Variants in DNER observed in about 807,000 individuals in gnomAD.
The protein encoded by DNER is delta and Notch-like epidermal growth factor-related receptor.
Under a neutral mutation model 78.2 loss-of-function variants are expected in DNER, and 33 were observed. The observed-to-expected ratio is 0.42, with a 90% CI of 0.32 to 0.56. The LOEUF (loss-of-function observed/expected upper bound fraction) is 0.56, where lower values mean the gene tolerates loss of function less well. Among genes scored for constraint, DNER ranks in the 20% least tolerant of loss-of-function variants. The pLI is 0.11. For synonymous variants in DNER, 417 were observed against 384.8 expected, an observed-to-expected ratio of 1.08 and a Z score of -0.98; for missense variants, 918 against 975.3, an observed-to-expected ratio of 0.94 and a Z score of 0.78.
In DNER at chr2:229,366,892, C is replaced by T. The variant is rs748951182; in HGVS notation, c.2083G>A (p.Ala695Thr). ...GCCAACCTGGCATGCCGGATGGATGCAATGGCATTGCTGAACTCGCTGTCG... is the reference window on the plus strand; with the variant it reads ...GCCAACCTGGCATGCCGGATGGATGTAATGGCATTGCTGAACTCGCTGTCG... ...SIDSEFSNAI[A>T]SIRHARFGKK... Residue 695 changes from alanine to threonine, a missense_variant, in exon 12 of 13, where the codon GCA becomes ACA. Physicochemically the swap from Ala to Thr is moderately conservative, Grantham distance 58. Coordinates refer to ENST00000341772, the MANE Select transcript of DNER (RefSeq NM_139072.4). 3 of 1,614,178 alleles carry T rather than the reference C, an allele frequency of 1.9e-6. No homozygotes were observed. The highest frequency in any genetic ancestry group is 1.1e-5 in the South Asian group (1 of 91,076).
chr2:229,642,191 A>C (rs1172743700), intron 1 of DNER, among the ~76,000 whole-genome samples: 1 of 152,176 alleles, frequency 6.6e-6, no homozygotes, highest in Non-Finnish European at 1.5e-5. Context: ...GGTTTCATTC[A>C]AAGGGGGAAA....
intron 11 of DNER, among the ~76,000 whole-genome samples, chr2:229,371,798 TGTTATTTTTAAAAAGAGCAA>T (rs779696356): frequency 9.2e-5 from 14 of 152,358 alleles, no homozygotes; most frequent in East Asian, 1.9e-4. Flanking sequence ...TGCTTACCTA[TGTTATTTTTAAAAAGAGCAA>T]GTTATTTTTA....
chr2:229,688,764 G>A (rs1295175401), intron 1 of DNER, among the ~76,000 whole-genome samples: 2 of 152,090 alleles, frequency 1.3e-5, no homozygotes, highest in African/African-American at 2.4e-5. Context: ...GCCCATCAAC[G>A]ATAGACTGGA....
chr2:229,594,266 C>T (rs12614918), intron 1 of DNER, among the ~76,000 whole-genome samples: 130,380 of 152,264 alleles, frequency 0.86, 57,544 homozygotes, highest in East Asian at 0.96. Flanking sequence ...GGAGAAGGAT[C>T]TTCTGAATCC....
At chr2:229,369,707 T>C (rs757829762) in intron 11 of DNER, among the ~76,000 whole-genome samples, 1 of 152,296 alleles carries the variant, frequency 6.6e-6, no homozygotes, top group East Asian at 1.9e-4. Flanking sequence ...AAGGACACAA[T>C]GTAATCTCTG....
At chr2:229,645,768 T>G (rs1370231456) in intron 1 of DNER, among the ~76,000 whole-genome samples, 1 of 152,180 alleles carries the variant, frequency 6.6e-6, no homozygotes, top group Admixed American at 6.5e-5. Flanking sequence ...CCTGACCTTG[T>G]GCCAAGTCCT....
In DNER at chr2:229,585,929, G is replaced by A. The variant is rs1214258442; in HGVS notation, c.776C>T (p.Thr259Ile). 8.7e-6 allele frequency: 14 copies of A among 1,613,952 alleles called. No individual in the cohort carries two copies. Among genetic ancestry groups the A allele is most frequent in the Non-Finnish European group, 1.0e-5 (12 of 1,179,994 alleles). Residue 259 changes from threonine to isoleucine, a missense_variant, in exon 4 of 13, where the codon ACC becomes ATC. Thr to Ile is a moderately conservative substitution (Grantham distance 89). Transcript: ENST00000341772. ...QCSLIDGRSV[T>I]PLQASGGLVL... ...CAGTCCCCCTGAAGCCTGAAGGGGG[G>A]TCACACTTCGTCCATCTATGAGGGA...
chr2:229,403,654 T>C (rs1693318699), intron 10 of DNER, among the ~76,000 whole-genome samples: 1 of 152,088 alleles, frequency 6.6e-6, no homozygotes, highest in Admixed American at 6.5e-5. Flanking sequence ...TAAACCTACT[T>C]CAGTGAGTCC....
At chr2:229,582,455 A>G (rs1266243116) in intron 4 of DNER, among the ~76,000 whole-genome samples, 1 of 152,086 alleles carries the variant, frequency 6.6e-6, no homozygotes, top group Non-Finnish European at 1.5e-5. Context: ...AAAGATCGTG[A>G]TCTCCTTACA....
chr2:229,388,219 A>T (rs769405660), intron 11 of DNER, 46 bp downstream of exon 11: 1 of 1,557,996 alleles, frequency 6.4e-7, no homozygotes, highest in Non-Finnish European at 8.7e-7. Context: ...CTTAAGTAAC[A>T]GCTATAAATG....
At chr2:229,702,642 G>C (rs1699764430) in intron 1 of DNER, among the ~76,000 whole-genome samples, 1 of 152,106 alleles carries the variant, frequency 6.6e-6, no homozygotes, top group African/African-American at 2.4e-5. Context: ...TTCTGGCCGG[G>C]CACGGTGGCT....
At chr2:229,686,061 A>C (rs76346197) in intron 1 of DNER, among the ~76,000 whole-genome samples, 2,258 of 152,208 alleles carry the variant, frequency 0.015, 64 homozygotes, top group African/African-American at 0.052. Context: ...CCCCTCTGAG[A>C]ATGGGATGGA....
intron 12 of DNER, among the ~76,000 whole-genome samples, chr2:229,365,648 C>T (rs1484579476): frequency 6.6e-6 from 1 of 152,226 alleles, no homozygotes; most frequent in Non-Finnish European, 1.5e-5. Flanking sequence ...GTTGGCCAGG[C>T]TGGTGTAGAA....
intron 8 of DNER, among the ~76,000 whole-genome samples, chr2:229,419,451 A>G (rs1019694407): frequency 3.9e-5 from 6 of 152,260 alleles, no homozygotes; most frequent in African/African-American, 1.4e-4. Flanking sequence ...AGTAGGAATT[A>G]GAACTACTAG....
intron 1 of DNER, among the ~76,000 whole-genome samples, chr2:229,625,000 C>T (rs961996306): frequency 2.0e-5 from 3 of 152,032 alleles, no homozygotes; most frequent in Non-Finnish European, 2.9e-5. Context: ...GTGAGGAATT[C>T]GCTATTATTT....
chr2:229,479,712 C>G (rs869118558), intron 6 of DNER, among the ~76,000 whole-genome samples: 1 of 79,816 alleles, frequency 1.3e-5, no homozygotes, highest in Non-Finnish European at 2.7e-5. Flanking sequence ...GACTTTGTCT[C>G]AAAAAAAAAA....
At chr2:229,540,599 A>G (rs994345344) in intron 5 of DNER, among the ~76,000 whole-genome samples, 3 of 152,256 alleles carry the variant, frequency 2.0e-5, no homozygotes, top group Non-Finnish European at 4.4e-5. Context: ...GGTTCGAGTC[A>G]TTGATCATTT....
chr2:229,515,299 G>A (rs1695947773), intron 5 of DNER, among the ~76,000 whole-genome samples: 1 of 152,222 alleles, frequency 6.6e-6, no homozygotes, highest in Non-Finnish European at 1.5e-5. Flanking sequence ...ATGCATAACA[G>A]AGTACACATC....
At chr2:229,390,958 A>G (rs1693001995) in intron 10 of DNER, among the ~76,000 whole-genome samples, 1 of 152,170 alleles carries the variant, frequency 6.6e-6, no homozygotes, top group Non-Finnish European at 1.5e-5. Flanking sequence ...CATCTAGTTG[A>G]ATCAGTTATT....
Sources: allele counts gnomAD v4.1 joint callset (sites outside exome capture counted in the v4.1 genomes callset), GRCh38; gene constraint gnomAD v4.1.1; transcripts MANE v1.5; gene names NCBI Gene and HGNC (gene_info 2026-07-23, HGNC 2026-07-21).